KCNJ15: variants seen among roughly 807,000 people sequenced by gnomAD.
The protein encoded by KCNJ15 is ATP-sensitive inward rectifier potassium channel 15.
Under a neutral mutation model 23.0 loss-of-function variants are expected in KCNJ15, and 14 were observed. That is an observed-to-expected ratio of 0.61 (90% CI 0.40 to 0.95). KCNJ15 has a LOEUF of 0.95. Ranked by LOEUF, KCNJ15 falls within the 40% of genes least tolerant of loss-of-function variation. The pLI, the probability that KCNJ15 is intolerant of heterozygous loss-of-function variation, is 0.00. For synonymous variants in KCNJ15, 185 were observed against 183.2 expected (o/e 1.01, Z -0.08); for missense variants, 388 against 461.8 (o/e 0.84, Z 1.46).
chr21:38,251,041 A>G (rs1339597525), intron 1 of KCNJ15, among the ~76,000 whole-genome samples: 1 of 152,156 alleles, frequency 6.6e-6, no homozygotes, highest in Non-Finnish European at 1.5e-5. Context: ...AGACAACAAT[A>G]GAAGAGGTGG....
chr21:38,272,935 T>G (rs1640837284), intron 1 of KCNJ15, among the ~76,000 whole-genome samples: 1 of 152,158 alleles, frequency 6.6e-6, no homozygotes, highest in Non-Finnish European at 1.5e-5. Context: ...TAAAATGTAG[T>G]TGGTTATGCC....
chr21:38,250,993 G>C (rs1979789052), intron 1 of KCNJ15, among the ~76,000 whole-genome samples: 1 of 152,178 alleles, frequency 6.6e-6, no homozygotes, highest in Non-Finnish European at 1.5e-5. Flanking sequence ...TGGCCTAGGA[G>C]CCTCCCTGTA....
rs1481834486 is a variant in KCNJ15 at position 38,302,006 on chromosome 21, ACACATG to A, written c.*1622_*1627del. 2 of 149,336 alleles carry A rather than the reference ACACATG, an allele frequency of 1.3e-5. No homozygotes were observed. The highest frequency in any genetic ancestry group is 5.0e-5 in the African/African-American group (2 of 39,930). 9.3% of individuals were successfully genotyped at this position (149,336 alleles called of 1,614,324 possible). On this transcript the variant is annotated 3_prime_UTR_variant, in exon 3 of 3. Coordinates refer to ENST00000398938, the MANE Select transcript of KCNJ15 (RefSeq NM_170736.3). ...TGCACACACGCGCGTGCACACACGC[ACACATG>A]CACACACACATACGCACACGTAAAC...
chr21:38,239,227 T>C (rs1353089084), intron 1 of KCNJ15, among the ~76,000 whole-genome samples: 1 of 152,254 alleles, frequency 6.6e-6, no homozygotes, highest in Non-Finnish European at 1.5e-5. Flanking sequence ...GAAATCTCTT[T>C]GATTTGACAT....
At position 38,292,395 on chromosome 21, in the gene KCNJ15, C is replaced by T. The variant is rs115768742; in HGVS notation, c.-116-4531C>T. On this transcript the variant is annotated intron_variant, in intron 1 of 2. Coordinates refer to ENST00000398938, the MANE Select transcript of KCNJ15 (RefSeq NM_170736.3). ...GCGGCCCAGTGTGTCTATGTGATTA[C>T]AGATCCTGAGGCCACTAGGTCCTTA... Among the ~76,000 whole-genome samples the T allele has an allele frequency of 3.2e-3, 492 of 152,252 alleles. 6 individuals carry two copies. Among genetic ancestry groups the T allele is most frequent in the African/African-American group, 0.011 (462 of 41,548 alleles).
At chr21:38,287,557 A>G (rs999813570) in intron 1 of KCNJ15, among the ~76,000 whole-genome samples, 1 of 152,266 alleles carries the variant, frequency 6.6e-6, no homozygotes, top group African/African-American at 2.4e-5. Flanking sequence ...GTATAAGCAT[A>G]TAGCAAATAT....
At chr21:38,288,561 C>A (rs896120945) in intron 1 of KCNJ15, among the ~76,000 whole-genome samples, 2 of 152,114 alleles carry the variant, frequency 1.3e-5, no homozygotes, top group Admixed American at 1.3e-4. Context: ...AGAAAACAAG[C>A]CAGCCTGAAA....
At chr21:38,252,976 G>A (rs1237746651), upstream of KCNJ15, among the ~76,000 whole-genome samples, 1 of 152,172 alleles carries the variant, frequency 6.6e-6, no homozygotes, top group Non-Finnish European at 1.5e-5. Flanking sequence ...GCAGATGCAG[G>A]AAGCCAGAGC....
intron 1 of KCNJ15, among the ~76,000 whole-genome samples, chr21:38,261,839 T>A (rs867824551): frequency 1.3e-5 from 2 of 152,356 alleles, no homozygotes; most frequent in Middle Eastern, 3.4e-3. Context: ...ATAAGCATCT[T>A]CCTGAGCAGA....
intron 1 of KCNJ15, among the ~76,000 whole-genome samples, chr21:38,280,313 A>G (rs991088896): frequency 2.0e-5 from 3 of 152,192 alleles, no homozygotes; most frequent in African/African-American, 7.2e-5. Flanking sequence ...AAATGGGACC[A>G]AAGTAGTCTT....
rs1985671869 is a variant in KCNJ15 at position 38,300,384 on chromosome 21, G to GTCTGA, written c.1126_*2dup. ...GACACTTTTATTACAACAGAGCAATGTCTGATCACAGGGGCGCCATCCAGG... is the reference window on the plus strand; with the variant it reads ...GACACTTTTATTACAACAGAGCAATGTCTGATCTGATCACAGGGGCGCCATCCAGG... On this transcript the variant is annotated stop_gained and frameshift_variant, in exon 3 of 3. Coordinates refer to ENST00000398938, the MANE Select transcript of KCNJ15 (RefSeq NM_170736.3). LOFTEE classifies it high-confidence loss of function. 1.9e-6 allele frequency: 3 copies of GTCTGA among 1,601,102 alleles called. No homozygotes were observed.
chr21:38,298,549 C>A (rs756792546), intron 2 of KCNJ15, among the ~76,000 whole-genome samples: 3 of 152,092 alleles, frequency 2.0e-5, no homozygotes, highest in Non-Finnish European at 2.9e-5. Flanking sequence ...AAAGTCATAA[C>A]AAAACTAGGA....
intron 1 of KCNJ15, among the ~76,000 whole-genome samples, chr21:38,283,679 T>A (rs1183313481): frequency 3.9e-5 from 6 of 152,190 alleles, no homozygotes. Flanking sequence ...CAGTCTAACA[T>A]AAATAGTTTA....
At chr21:38,280,815 G>A (rs1983251186) in intron 1 of KCNJ15, among the ~76,000 whole-genome samples, 1 of 152,178 alleles carries the variant, frequency 6.6e-6, no homozygotes, top group Non-Finnish European at 1.5e-5. Flanking sequence ...CAACAGTCAT[G>A]TGAGAGAAGC....
intron 1 of KCNJ15, chr21:38,296,648 C>G (rs1295273748): frequency 2.0e-4 from 30 of 152,760 alleles, no homozygotes; most frequent in Non-Finnish European, 4.4e-5. Flanking sequence ...CAGTTCATAG[C>G]GGGCCTCAAT....
At chr21:38,271,881 C>T (rs1982137467) in intron 1 of KCNJ15, among the ~76,000 whole-genome samples, 1 of 152,212 alleles carries the variant, frequency 6.6e-6, no homozygotes, top group Admixed American at 6.5e-5. Context: ...TCATGGGAAG[C>T]TGCTAGCATG....
chr21:38,246,533 A>C (rs973052556), intron 1 of KCNJ15, among the ~76,000 whole-genome samples: 2 of 152,186 alleles, frequency 1.3e-5, no homozygotes, highest in Non-Finnish European at 2.9e-5. Context: ...TCAAGAGATG[A>C]GTTACAGTGA....
intron 1 of KCNJ15, among the ~76,000 whole-genome samples, chr21:38,286,470 C>T (rs1038076233): frequency 1.3e-5 from 2 of 152,220 alleles, no homozygotes; most frequent in South Asian, 2.1e-4. Flanking sequence ...CACGTGAGCA[C>T]CAATGTAATG....
At chr21:38,241,967 TAAAAAAAAAA>T (rs34321677) in intron 1 of KCNJ15, among the ~76,000 whole-genome samples, 1 of 111,986 alleles carries the variant, frequency 8.9e-6, no homozygotes, top group Non-Finnish European at 1.9e-5. Flanking sequence ...AGACTCCATC[TAAAAAAAAAA>T]AAAAAAAAAA....
Sources: allele counts gnomAD v4.1 joint callset (sites outside exome capture counted in the v4.1 genomes callset), GRCh38; gene constraint gnomAD v4.1.1; transcripts MANE v1.5; gene names NCBI Gene and HGNC (gene_info 2026-07-23, HGNC 2026-07-21).